BRD4: variants seen among roughly 807,000 people sequenced by gnomAD.
BRD4 encodes bromodomain-containing protein 4.
In BRD4, 16 loss-of-function variants were observed where a neutral mutation model predicts 142.1. That is an observed-to-expected ratio of 0.11 (90% CI 0.08 to 0.17). The LOEUF is 0.17. Ranked by LOEUF, BRD4 falls within the 10% of genes least tolerant of loss-of-function variation. BRD4 has a pLI of 1.00. For synonymous variants in BRD4, 833 were observed against 707.5 expected, an observed-to-expected ratio of 1.18 and a Z score of -2.82; for missense variants, 1,424 against 1,810.9, an observed-to-expected ratio of 0.79 and a Z score of 3.88.
intron 1 of BRD4, among the ~76,000 whole-genome samples, chr19:15,295,147 G>A (rs1568401762): frequency 6.6e-6 from 1 of 152,202 alleles, no homozygotes; most frequent in Non-Finnish European, 1.5e-5. Context: ...AGAAACCTGT[G>A]CCATGTCCCA....
intron 7 of BRD4, among the ~76,000 whole-genome samples, chr19:15,260,166 G>C (rs2047453920): frequency 6.6e-6 from 1 of 152,218 alleles, no homozygotes; most frequent in Admixed American, 6.5e-5. Context: ...TTTCAGACAA[G>C]TATCTCAGCT....
Position 15,238,863 on chromosome 19 carries a change from TTGCTGTTGCTGCTGC to T in BRD4, c.3885_3899del (p.Gln1296_Gln1300del), listed in dbSNP as rs753254339. 8.1e-6 allele frequency: 13 copies of T among 1,601,248 alleles called. No individual in the cohort carries two copies. The highest frequency in any genetic ancestry group is 1.7e-5 in the Admixed American group (1 of 58,682). The stretch of plus-strand genomic sequence containing the variant: ...TGGCGGCGGCAGCCACCGCAGCTGC[TTGCTGTTGCTGCTGC>T]TGCTGTTGCTCCTGGCGCTGCTGCT... On this transcript the variant is annotated inframe_deletion, in exon 19 of 20. Coordinates refer to ENST00000679869, the MANE Select transcript of BRD4 (RefSeq NM_001379291.1). The surrounding 1 kb of genome is among the most constrained non-coding windows in gnomAD (Gnocchi z 7.2).
Position 15,244,278 on chromosome 19 carries a change from TGCTCAG to T in BRD4, c.2528_2533del (p.Pro843_Glu844del). Reference sequence around the variant, plus strand: ...CTGGTTGAGATGGGGTGGAGTGCTGTGCTCAGGCGGCTGGGGCAGGTGAGGGGGCAG... The same window carrying T: ...CTGGTTGAGATGGGGTGGAGTGCTGTGCGGCTGGGGCAGGTGAGGGGGCAG... On this transcript the variant is annotated inframe_deletion, in exon 13 of 20. Coordinates refer to ENST00000679869, the MANE Select transcript of BRD4 (RefSeq NM_001379291.1). 6.3e-7 allele frequency: 1 copy of T among 1,590,004 alleles called. No individual in the cohort carries two copies. The highest frequency in any genetic ancestry group is 8.5e-7 in the Non-Finnish European group (1 of 1,170,476).
In BRD4 at chr19:15,242,979, C is replaced by G; in HGVS notation, c.3090G>C (p.Pro1030=). Residue 1030 remains proline, a synonymous_variant, in exon 14 of 20, where the codon CCG becomes CCC. Transcript: ENST00000679869. ...PHPPPGQQPP[P]PQPAKPQQVI... ...CTTGCTGAGGCTTGGCAGGCTGCGG[C>G]GGGGGTGGCTGCTGGCCTGGGGGCG... The G allele has an allele frequency of 2.2e-6, 1 of 449,392 alleles. No homozygotes were observed. The allele number at this position is 449,392 out of a possible 1,614,324, so 27.8% of individuals were successfully genotyped here.
chr19:15,243,093 G>A lies in BRD4; in HGVS notation c.2976C>T (p.Pro992=), dbSNP rs547971458. The A allele has an allele frequency of 4.4e-5, 66 of 1,495,418 alleles. 1 individual carries two copies. In the South Asian group the frequency reaches 7.3e-4, roughly 17 times the overall value. The allele number at this position is 1,495,418 out of a possible 1,614,324, so 92.6% of individuals were successfully genotyped here. A position where few individuals can be genotyped will look rare whatever the true frequency, so the allele number is the denominator to read the frequency against. The change falls in exon 14 of 20, where the codon CCC becomes CCT. Residue 992 remains proline, a synonymous_variant. Transcript: ENST00000679869. The part of the protein sequence containing the change: ...PQPPPQQQHQ[P]PPRPVHLQPM... ...GCTGCAAGTGCACGGGCCGTGGAGG[G>A]GGCTGATGCTGCTGCTGGGGTGGAG... is the stretch of plus-strand genomic sequence containing the variant.
At chr19:15,246,433 G>C (rs564976654) in intron 11 of BRD4, 1 of 152,800 alleles carries the variant, frequency 6.5e-6, no homozygotes, top group Non-Finnish European at 1.5e-5. Context: ...GCACACCTTG[G>C]AGGGGACCCG....
At chr19:15,253,492 G>C in intron 11 of BRD4, 1 of 1,455,098 alleles carries the variant, frequency 6.9e-7, no homozygotes, top group African/African-American at 1.4e-5. Context: ...TTGAAAAGAA[G>C]GGACTGTTAG....
At chr19:15,296,754 C>T (rs1230619673) in intron 1 of BRD4, among the ~76,000 whole-genome samples, 1 of 152,218 alleles carries the variant, frequency 6.6e-6, no homozygotes, top group African/African-American at 2.4e-5. Context: ...AATCCAGGGG[C>T]ATAAAGGGAG....
chr19:15,308,741 C>T (rs1002844713), intron 1 of BRD4, among the ~76,000 whole-genome samples: 4 of 151,958 alleles, frequency 2.6e-5, no homozygotes, highest in East Asian at 3.9e-4. Context: ...CTGGGCTGGG[C>T]GCGGTGGCTC....
chr19:15,244,848 C>T (rs2047271860), intron 11 of BRD4, 86 bp from the exon 12 acceptor site: 2 of 1,603,496 alleles, frequency 1.2e-6, no homozygotes, highest in African/African-American at 2.7e-5. Flanking sequence ...GAAAACAGGG[C>T]ACTTTCAGGA....
intron 1 of BRD4, among the ~76,000 whole-genome samples, chr19:15,275,423 A>C (rs1568393866): frequency 6.6e-6 from 1 of 152,200 alleles, no homozygotes; most frequent in Non-Finnish European, 1.5e-5. Context: ...AGGTCTAAGC[A>C]GATAGAGTGG....
chr19:15,253,728 G>A lies in BRD4; in HGVS notation c.2158+424C>T, dbSNP rs563115748. 58 of 1,598,470 alleles carry A rather than the reference G, an allele frequency of 3.6e-5. No individual in the cohort carries two copies. Among genetic ancestry groups the A allele is most frequent in the Middle Eastern group, 3.3e-4 (2 of 6,060 alleles). ...TCTCCCTGAAGCGGCCGCACTGCAC[G>A]TGACTGTGATACGGGGAAGGCCCTG... On this transcript the variant is annotated intron_variant, in intron 11 of 19. Transcript: ENST00000679869.
chr19:15,255,060 G>C (rs1340657795), intron 10 of BRD4, among the ~76,000 whole-genome samples: 1 of 152,134 alleles, frequency 6.6e-6, no homozygotes, highest in African/African-American at 2.4e-5. Flanking sequence ...ACAGCTGCAG[G>C]CAACAAGGTG....
rs770828275 is a variant in BRD4, at chr19:15,264,673, T to C, written c.943A>G (p.Thr315Ala). ...EPPSLPPEPKTTKLGQRRESS... is the reference protein window; with the variant it reads ...EPPSLPPEPKATKLGQRRESS... ...TCCCGCCGCTGGCCCAGCTTGGTGG[T>C]CTTGGGCTCCGGGGGCAGCGAGGGT... Residue 315 changes from threonine to alanine, a missense_variant, in exon 6 of 20, where the codon ACC (threonine) becomes GCC (alanine). By Grantham distance (58) the Thr-to-Ala change is moderately conservative. Coordinates refer to ENST00000679869, the MANE Select transcript of BRD4 (RefSeq NM_001379291.1). 2.5e-6 allele frequency: 4 copies of C among 1,613,444 alleles called. No individual in the cohort carries two copies. Among genetic ancestry groups the C allele is most frequent in the Non-Finnish European group, 3.4e-6 (4 of 1,180,018 alleles).
At chr19:15,278,050 G>A (rs1290527758) in intron 1 of BRD4, among the ~76,000 whole-genome samples, 1 of 129,262 alleles carries the variant, frequency 7.7e-6, no homozygotes, top group African/African-American at 2.9e-5. Context: ...AGCCTGCAGT[G>A]AGCCAAGATA....
chr19:15,304,081 C>G (rs1429367458), intron 1 of BRD4, among the ~76,000 whole-genome samples: 1 of 152,212 alleles, frequency 6.6e-6, no homozygotes, highest in Non-Finnish European at 1.5e-5. Flanking sequence ...ATGTCCTCTC[C>G]AGAGGTAAAC....
intron 11 of BRD4, chr19:15,249,032 C>A: frequency 1.7e-6 from 1 of 579,776 alleles, no homozygotes; most frequent in Non-Finnish European, 3.1e-6. Context: ...CTGGGCAGGA[C>A]AGCCAGGCAG....
chr19:15,263,380 C>A (rs2047495426), intron 7 of BRD4, 40 bp downstream of exon 7: 2 of 1,599,880 alleles, frequency 1.3e-6, no homozygotes, highest in Non-Finnish European at 1.7e-6. Flanking sequence ...AGGACCTCAG[C>A]CTGCTCTGCT....
intron 1 of BRD4, among the ~76,000 whole-genome samples, chr19:15,315,311 G>T (rs980160070): frequency 1.3e-5 from 2 of 152,086 alleles, no homozygotes; most frequent in African/African-American, 4.8e-5. Context: ...TTAGGATCTT[G>T]TGCAACAATC....
Sources: gnomAD v4.1 joint callset for allele counts (sites outside exome capture counted in the v4.1 genomes callset) on GRCh38, gnomAD v4.1.1 for gene constraint, Gnocchi (gnomAD v3.1) non-coding constraint, MANE v1.5 for transcripts, NCBI Gene and HGNC (gene_info 2026-07-23, HGNC 2026-07-21) for gene names.